PARP4: variants seen among roughly 807,000 people sequenced by gnomAD.
PARP4 encodes the protein protein mono-ADP-ribosyltransferase PARP4.
A neutral mutation model predicts 187.7 loss-of-function variants in PARP4; 120 were observed. The ratio of observed to expected loss-of-function variants is 0.64; its 90% CI spans 0.55 to 0.74. PARP4 has a LOEUF of 0.74. Ranked by LOEUF, PARP4 falls within the 30% of genes least tolerant of loss-of-function variation. The pLI, the probability that PARP4 is intolerant of heterozygous loss-of-function variation, is 0.00. For missense variants in PARP4, 1,836 were observed against 2,070.5 expected (o/e 0.89, Z 2.20); for synonymous variants, 654 against 740.9 (o/e 0.88, Z 1.90).
intron 12 of PARP4, 79 bp from the exon 13 acceptor site, chr13:24,478,355 G>C (rs1321628887): frequency 3.3e-6 from 3 of 898,258 alleles, no homozygotes; most frequent in African/African-American, 3.4e-5. Flanking sequence ...AGACTTTCCT[G>C]GTAAACTGTT....
Position 24,501,605 on chromosome 13 carries a change from C to T in PARP4, c.334+28G>A, listed in dbSNP as rs776436406. The stretch of plus-strand genomic sequence containing the variant: ...AGCGTGTACTATGGCACCTATGATA[C>T]GTTAAATGCTTGCTATGAAATACCT... On this transcript the variant is annotated intron_variant, in intron 3 of 33. Coordinates refer to ENST00000381989, the MANE Select transcript of PARP4 (RefSeq NM_006437.4). The T allele has an allele frequency of 1.5e-5, 22 of 1,509,608 alleles. 2 individuals carry two copies. Among genetic ancestry groups the T allele is most frequent in the South Asian group, 9.0e-5 (8 of 88,688 alleles). The allele number at this position is 1,509,608 out of a possible 1,614,324, so 93.5% of individuals were successfully genotyped here.
At chr13:24,425,605 CTATA>C (rs113002264) in intron 33 of PARP4, among the ~76,000 whole-genome samples, 1 of 146,916 alleles carries the variant, frequency 6.8e-6, no homozygotes, top group South Asian at 2.2e-4. Flanking sequence ...ATATCTATAT[CTATA>C]TATCTCAGAG....
intron 1 of PARP4, among the ~76,000 whole-genome samples, chr13:24,505,392 C>CCCCG (rs149445863): frequency 0.099 from 15,045 of 152,096 alleles, 819 homozygotes; most frequent in Non-Finnish European, 0.12. Flanking sequence ...TTGATTTGTA[C>CCCCG]AATAAGGGTT....
chr13:24,437,818 C>G (rs1362303937), intron 30 of PARP4, among the ~76,000 whole-genome samples: 1 of 129,062 alleles, frequency 7.7e-6, no homozygotes, highest in Non-Finnish European at 1.6e-5. Flanking sequence ...TCACTGCACC[C>G]CAGCCTGGGT....
intron 1 of PARP4, among the ~76,000 whole-genome samples, chr13:24,508,341 T>C (rs1247756337): frequency 1.3e-5 from 2 of 152,194 alleles, no homozygotes; most frequent in African/African-American, 4.8e-5. Context: ...TTAAATCCTC[T>C]GACCTGTTTA....
At chr13:24,460,470 C>G (rs1872161014) in intron 17 of PARP4, among the ~76,000 whole-genome samples, 1 of 97,816 alleles carries the variant, frequency 1.0e-5, no homozygotes, top group Admixed American at 9.0e-5. Context: ...GTGGGCTCTG[C>G]TGCACGGGTG....
chr13:24,512,063 A>G (rs774879384), intron 1 of PARP4, among the ~76,000 whole-genome samples: 1 of 152,178 alleles, frequency 6.6e-6, no homozygotes, highest in Non-Finnish European at 1.5e-5. Context: ...ATATTGTCAT[A>G]TAATTGTTGT....
rs117076504 is a variant in PARP4 at position 24,490,611 on chromosome 13, G to A, written c.1214+57C>T. ...TAATTACTGTAATTAGCTCTTTAACGGAGTCTCAAAGAGCATTATATTATA... is the reference window on the plus strand; with the variant it reads ...TAATTACTGTAATTAGCTCTTTAACAGAGTCTCAAAGAGCATTATATTATA... On this transcript the variant is annotated intron_variant, in intron 10 of 33. Transcript: ENST00000381989. 9,073 of 1,313,308 alleles carry A rather than the reference G, an allele frequency of 6.9e-3. 39 individuals carry two copies. Among genetic ancestry groups the A allele is most frequent in the Non-Finnish European group, 8.1e-3 (7,470 of 922,034 alleles). 81.4% of individuals were successfully genotyped at this position (1,313,308 alleles called of 1,614,324 possible).
intron 27 of PARP4, among the ~76,000 whole-genome samples, chr13:24,446,399 G>A (rs1271480848): frequency 1.3e-5 from 2 of 152,292 alleles, no homozygotes; most frequent in African/African-American, 4.8e-5. Flanking sequence ...CAGACAGCAG[G>A]GGTATCCAAT....
At chr13:24,463,674 A>G (rs1342909175) in intron 17 of PARP4, among the ~76,000 whole-genome samples, 2 of 152,184 alleles carry the variant, frequency 1.3e-5, no homozygotes, top group Non-Finnish European at 2.9e-5. Flanking sequence ...TTAATGACAA[A>G]CCCACATCCA....
intron 31 of PARP4, among the ~76,000 whole-genome samples, chr13:24,431,931 G>A (rs1785710404): frequency 6.6e-6 from 1 of 152,126 alleles, no homozygotes; most frequent in Non-Finnish European, 1.5e-5. Context: ...GTTTCACCAT[G>A]TCAGCCAGAA....
chr13:24,466,867 T>A, intron 17 of PARP4, among the ~76,000 whole-genome samples: 1 of 137,680 alleles, frequency 7.3e-6, no homozygotes, highest in South Asian at 2.3e-4. Flanking sequence ...TAAAAAACAA[T>A]ACAAGAGAAA....
intron 14 of PARP4, among the ~76,000 whole-genome samples, chr13:24,476,899 C>T (rs571913907): frequency 1.2e-4 from 18 of 152,300 alleles, no homozygotes; most frequent in African/African-American, 1.7e-4. Flanking sequence ...TTCTGTCATG[C>T]GGGTACTGCT....
chr13:24,503,846 C>T (rs1593657582), intron 1 of PARP4, 69 bp from the exon 2 acceptor site: 3 of 1,380,024 alleles, frequency 2.2e-6, no homozygotes, highest in East Asian at 4.6e-5. Context: ...AATTATTATA[C>T]AAGCAAACTG....
At chr13:24,502,526 A>AG (rs1408011671) in intron 2 of PARP4, among the ~76,000 whole-genome samples, 1 of 152,368 alleles carries the variant, frequency 6.6e-6, no homozygotes, top group Admixed American at 6.5e-5. Context: ...CGTGCTCCTC[A>AG]GCCTCTTCCG....
intron 25 of PARP4, among the ~76,000 whole-genome samples, chr13:24,448,782 AG>A (rs1871345165): frequency 6.6e-6 from 1 of 152,250 alleles, no homozygotes; most frequent in Non-Finnish European, 1.5e-5. Flanking sequence ...AATATTATTT[AG>A]CTTTAAAAAG....
chr13:24,451,846 G>T (rs1275090002), intron 24 of PARP4: 1 of 152,748 alleles, frequency 6.5e-6, no homozygotes, highest in East Asian at 1.9e-4. Flanking sequence ...CAATGTAGGG[G>T]TGTTAGCCTC....
chr13:24,442,277 A>G (rs564089411), intron 29 of PARP4, among the ~76,000 whole-genome samples: 1 of 152,244 alleles, frequency 6.6e-6, no homozygotes, highest in Admixed American at 6.5e-5. Context: ...GTCTTGGATT[A>G]ATAAAAGACA....
At chr13:24,459,613 A>G (rs138681694) in intron 18 of PARP4, 17 of 380,910 alleles carry the variant, frequency 4.5e-5, no homozygotes, top group Middle Eastern at 7.1e-4. Context: ...TTGGAGGGAT[A>G]TACCGAAGTA....
Sources: allele counts gnomAD v4.1 joint callset (sites outside exome capture counted in the v4.1 genomes callset), GRCh38; gene constraint gnomAD v4.1.1; transcripts MANE v1.5; gene names NCBI Gene and HGNC (gene_info 2026-07-23, HGNC 2026-07-21).